The following AR variants were observed in gnomAD, a reference collection of about 807,000 sequenced individuals.
AR encodes androgen receptor.
A neutral mutation model predicts 53.9 loss-of-function variants in AR; 8 were observed. The ratio of observed to expected loss-of-function variants is 0.15; its 90% CI spans 0.09 to 0.27. The LOEUF is 0.27. AR is among the 10% of genes least tolerant of loss of function. AR has a pLI of 1.00. For synonymous variants in AR, 359 were observed against 316.4 expected (o/e 1.13, Z -1.43); for missense variants, 639 against 742.5 (o/e 0.86, Z 1.62).
rs2147318466 is a variant in AR at position 67,545,941 on chromosome X, G to A, written c.795G>A (p.Gly265=). 8.2e-7 allele frequency: 1 copy of A among 1,212,216 alleles called. No homozygotes were observed. The highest frequency in any genetic ancestry group is 1.8e-5 in the South Asian group (1 of 57,039). ...EHLSPGEQLR[G]DCMYAPLLGV... ...TGAGTCCAGGGGAACAGCTTCGGGG[G>A]GATTGCATGTACGCCCCACTTTTGG... Residue 265 remains glycine, a synonymous_variant, in exon 1 of 8, where the codon GGG becomes GGA. Coordinates refer to ENST00000374690, the MANE Select transcript of AR (RefSeq NM_000044.6).
intron 2 of AR, among the ~76,000 whole-genome samples, chrX:67,650,505 C>A (rs183268813): frequency 3.9e-4 from 44 of 112,215 alleles, no homozygotes; most frequent in African/African-American, 1.2e-3. Context: ...TGTATTAATT[C>A]TCTGGGTTCT....
At chrX:67,653,736 G>T (rs1926457530) in intron 2 of AR, among the ~76,000 whole-genome samples, 2 of 110,871 alleles carry the variant, frequency 1.8e-5, no homozygotes, top group South Asian at 7.7e-4. Context: ...TACTATCCAG[G>T]TAGTGTAACA....
intron 1 of AR, among the ~76,000 whole-genome samples, chrX:67,578,420 C>T (rs891676837): frequency 2.7e-5 from 3 of 111,480 alleles, no homozygotes; most frequent in African/African-American, 9.8e-5. Context: ...ATAATACCCT[C>T]CTTGTTTTTA....
chrX:67,651,989 G>C (rs985842407), intron 2 of AR, among the ~76,000 whole-genome samples: 1 of 111,551 alleles, frequency 9.0e-6, no homozygotes, highest in Middle Eastern at 4.3e-3. Context: ...AAAGAGCTTA[G>C]ACAGGATGTG....
rs747409696 is a variant in AR, at chrX:67,546,517, C to T, written c.1371C>T (p.Gly457=). 0.013 allele frequency: 2,357 copies of T among 176,140 alleles called. 16 individuals carry two copies. Among genetic ancestry groups the T allele is most frequent in the Middle Eastern group, 0.033 (13 of 400 alleles). The allele number at this position is 176,140 out of a possible 1,213,427, so 14.5% of individuals were successfully genotyped here. Residue 457 remains glycine (G), a synonymous_variant, in exon 1 of 8, where the codon GGC becomes GGT. Coordinates refer to ENST00000374690, the MANE Select transcript of AR (RefSeq NM_000044.6). The stretch of plus-strand genomic sequence containing the variant: ...CGTGTGGTGGTGGTGGGGGTGGTGG[C>T]GGCGGCGGCGGCGGCGGCGGCGGCG... ...YGPCGGGGGG[G]GGGGGGGGGG... is the part of the protein sequence containing the mutation.
intron 1 of AR, among the ~76,000 whole-genome samples, chrX:67,556,090 T>G (rs2147332622): frequency 8.9e-6 from 1 of 112,569 alleles, no homozygotes; most frequent in African/African-American, 3.2e-5. Context: ...CATATTCCAT[T>G]ATTGCATTTC....
At chrX:67,671,477 C>T (rs139877689) in intron 2 of AR, among the ~76,000 whole-genome samples, 1,493 of 112,192 alleles carry the variant, frequency 0.013, 18 homozygotes, top group Non-Finnish European at 0.019. Flanking sequence ...TGTTTAAGTT[C>T]CTTGTCGATT....
chrX:67,630,513 T>A (rs1444127294), intron 1 of AR, among the ~76,000 whole-genome samples: 1 of 111,307 alleles, frequency 9.0e-6, no homozygotes, highest in African/African-American at 3.3e-5. Flanking sequence ...TCCATCCTTT[T>A]ATTTTGAGCC....
chrX:67,644,398 C>T (rs1925946302), intron 2 of AR, among the ~76,000 whole-genome samples: 1 of 112,122 alleles, frequency 8.9e-6, no homozygotes, highest in Non-Finnish European at 1.9e-5. Flanking sequence ...CCTGCCAAGG[C>T]CTTTCTCTTT....
At chrX:67,575,946 A>G (rs1369310160) in intron 1 of AR, among the ~76,000 whole-genome samples, 2 of 111,629 alleles carry the variant, frequency 1.8e-5, no homozygotes, top group Admixed American at 9.5e-5. Context: ...GAAAAAGACA[A>G]ATGAGGCAAA....
chrX:67,621,938 G>A (rs1366902704), intron 1 of AR, among the ~76,000 whole-genome samples: 2 of 111,688 alleles, frequency 1.8e-5, no homozygotes, highest in Non-Finnish European at 3.8e-5. Context: ...GAGTTAGCCA[G>A]GTATGCATTC....
intron 2 of AR, among the ~76,000 whole-genome samples, chrX:67,671,747 C>A (rs780438740): frequency 8.9e-6 from 1 of 112,159 alleles, no homozygotes; most frequent in African/African-American, 3.2e-5. Flanking sequence ...GCATTTAAGT[C>A]TTTAATCCAT....
At chrX:67,606,885 G>A (rs1362372205) in intron 1 of AR, among the ~76,000 whole-genome samples, 1 of 112,116 alleles carries the variant, frequency 8.9e-6, no homozygotes, top group Non-Finnish European at 1.9e-5. Flanking sequence ...AAAAAGGATG[G>A]GCAGAATGTG....
chrX:67,569,166 T>A (rs1921694947), intron 1 of AR: 1 of 416,715 alleles, frequency 2.4e-6, no homozygotes, highest in African/African-American at 3.0e-5. Context: ...CTTAGCATGT[T>A]GACTAATTTG....
At chrX:67,630,819 T>G (rs964236800) in intron 1 of AR, among the ~76,000 whole-genome samples, 7 of 110,840 alleles carry the variant, frequency 6.3e-5, no homozygotes, top group Non-Finnish European at 1.3e-4. Context: ...TCAGGACCTC[T>G]TTTAGGGCAG....
Position 67,579,013 on chromosome X carries a change from T to C in AR, c.1616+32251T>C, listed in dbSNP as rs186129802. Among the ~76,000 whole-genome samples the C allele has an allele frequency of 9.8e-5, 11 of 111,825 alleles. No homozygotes were observed. In the East Asian group the frequency reaches 2.8e-3, roughly 29 times the overall value. On this transcript the variant is annotated intron_variant, in intron 1 of 7. Transcript: ENST00000374690. ...TTTCACTATCTGTTCATAAACATTC[T>C]CTGAAGCAAGCATACAGTCAGTATG...
intron 1 of AR, among the ~76,000 whole-genome samples, chrX:67,627,880 T>C (rs1263798343): frequency 8.9e-6 from 1 of 112,039 alleles, no homozygotes; most frequent in Non-Finnish European, 1.9e-5. Flanking sequence ...CCAGCACCAT[T>C]TATTAAATAG....
At chrX:67,635,213 A>C (rs1035797474) in intron 1 of AR, among the ~76,000 whole-genome samples, 3 of 111,548 alleles carry the variant, frequency 2.7e-5, no homozygotes, top group Non-Finnish European at 5.6e-5. Context: ...GCACAGAGGC[A>C]AGGGCTTTTA....
intron 1 of AR, among the ~76,000 whole-genome samples, chrX:67,633,165 C>T (rs746776526): frequency 8.9e-5 from 10 of 112,153 alleles, no homozygotes; most frequent in African/African-American, 2.9e-4. Context: ...TTCAGAGGTA[C>T]ATATGCAGGT....
Sources: gnomAD v4.1 joint callset for allele counts (sites outside exome capture counted in the v4.1 genomes callset) on GRCh38, gnomAD v4.1.1 for gene constraint, MANE v1.5 for transcripts, NCBI Gene and HGNC (gene_info 2026-07-23, HGNC 2026-07-21) for gene names.